The following CFAP43 variants were observed in gnomAD, a reference collection of about 807,000 sequenced individuals.
CFAP43 encodes cilia- and flagella-associated protein 43.
In CFAP43, 155 loss-of-function variants were observed where a neutral mutation model predicts 218.9. That is an observed-to-expected ratio of 0.71 (90% CI 0.62 to 0.81). The LOEUF (loss-of-function observed/expected upper bound fraction) is 0.81. Among genes scored for constraint, CFAP43 ranks in the 30% least tolerant of loss-of-function variants. CFAP43 has a pLI of 0.00. For missense variants in CFAP43, 1,778 were observed against 1,954.3 expected (o/e 0.91, Z 1.70); for synonymous variants, 645 against 681.3 (o/e 0.95, Z 0.83).
intron 5 of CFAP43, 101 bp from the exon 6 acceptor site, chr10:104,207,925 C>G: frequency 8.6e-7 from 1 of 1,168,332 alleles, no homozygotes; most frequent in African/African-American, 1.6e-5. Context: ...CATACTTAAC[C>G]CCATAGACGC....
chr10:104,188,272 T>C lies in CFAP43; in HGVS notation c.1685A>G (p.Gln562Arg), dbSNP rs200902358. 6.2e-7 allele frequency: 1 copy of C among 1,613,584 alleles called. No homozygotes were observed. The highest frequency in any genetic ancestry group is 1.7e-5 in the Admixed American group (1 of 59,946). The change falls in exon 13 of 38, where the codon CAA becomes CGA. Residue 562 changes from glutamine to arginine, a missense_variant and splice_region_variant. By Grantham distance (43) the Gln-to-Arg change is conservative. Around this residue, in one of 3 missense-constraint regions of CFAP43, gnomAD observed 1,553 missense variants for 1,685.2 expected, o/e 0.92. Coordinates refer to ENST00000357060, the MANE Select transcript of CFAP43 (RefSeq NM_025145.7). ...EMFTLPTLLP[Q>R]VSTTFADERG... ...CTGGCTGCTTATGTTTTCCTTACCT[T>C]GTGGCAGTAATGTAGGCAGTGTGAA...
chr10:104,208,078 G>C (rs1471459742), intron 5 of CFAP43, among the ~76,000 whole-genome samples: 1 of 152,184 alleles, frequency 6.6e-6, no homozygotes, highest in Non-Finnish European at 1.5e-5. Context: ...TGGTCACCCA[G>C]TGGATCAAGA....
chr10:104,172,437 A>G lies in CFAP43; in HGVS notation c.2559T>C (p.His853=). Residue 853 remains histidine (H), a synonymous_variant, in exon 20 of 38, where the codon CAT becomes CAC. Transcript: ENST00000357060. ...TTGCCACTTCTTCCTGACTTTCATC[A>G]TGAAGCCTTTCTAGTTCCTCAAGAT... ...GLDLEELERL[H]DESQEEVAKM... is the part of the protein sequence containing the mutation. 2.5e-6 allele frequency: 4 copies of G among 1,609,664 alleles called. No homozygotes were observed. The highest frequency in any genetic ancestry group is 3.4e-6 in the Non-Finnish European group (4 of 1,178,938).
intron 35 of CFAP43, 50 bp downstream of exon 35, chr10:104,133,570 T>C (rs1450753638): frequency 6.5e-7 from 1 of 1,550,008 alleles, no homozygotes; most frequent in Middle Eastern, 1.7e-4. Context: ...AATGAATGAA[T>C]ACATTAATGA....
At chr10:104,141,155 T>C (rs571218539) in intron 33 of CFAP43, among the ~76,000 whole-genome samples, 154 bp from the exon 34 acceptor site, 27 of 152,346 alleles carry the variant, frequency 1.8e-4, no homozygotes, top group Non-Finnish European at 3.1e-4. Context: ...TAGAGGTCTC[T>C]CTGAAACCTC....
chr10:104,170,056 C>T (rs866923984), intron 20 of CFAP43, among the ~76,000 whole-genome samples: 2 of 152,256 alleles, frequency 1.3e-5, no homozygotes, highest in African/African-American at 4.8e-5. Context: ...CTAACTCCTC[C>T]CAAGGACTAG....
In CFAP43 at chr10:104,196,933, T is replaced by A. The variant is rs1471639957; in HGVS notation, c.1213A>T (p.Thr405Ser). Reference sequence around the variant, plus strand: ...CAAATTTCCCCTGAATATGTAAGTGTCTGTAAAAAAAGAAAAACAAAAACT... The same window carrying A: ...CAAATTTCCCCTGAATATGTAAGTGACTGTAAAAAAAGAAAAACAAAAACT... Reference protein sequence around the residue: ...FITPGTQYFMTLTYSGEICVW... With the variant: ...FITPGTQYFMSLTYSGEICVW... Residue 405 changes from threonine (T) to serine (S), a missense_variant and splice_region_variant, in exon 10 of 38, where the codon ACA becomes TCA. Physicochemically the swap from Thr to Ser is moderately conservative, Grantham distance 58 (BLOSUM62 1). Coordinates refer to ENST00000357060, the MANE Select transcript of CFAP43 (RefSeq NM_025145.7). 6.2e-7 allele frequency: 1 copy of A among 1,606,790 alleles called. No homozygotes were observed. Among genetic ancestry groups the A allele is most frequent in the Non-Finnish European group, 8.5e-7 (1 of 1,177,672 alleles).
At chr10:104,136,532 G>A (rs548554379) in intron 34 of CFAP43, among the ~76,000 whole-genome samples, 6 of 151,590 alleles carry the variant, frequency 4.0e-5, no homozygotes, top group East Asian at 2.0e-4. Flanking sequence ...CACCATGCCC[G>A]GCTAATTTTT....
chr10:104,185,268 A>C, intron 15 of CFAP43, 122 bp from the exon 16 acceptor site: 1 of 1,318,338 alleles, frequency 7.6e-7, no homozygotes, highest in South Asian at 1.3e-5. Context: ...ACAGCATTTT[A>C]ATTGGTATGG....
chr10:104,185,079 A>G lies in CFAP43; in HGVS notation c.2078T>C (p.Met693Thr). Residue 693 changes from methionine (M) to threonine (T), a missense_variant, in exon 16 of 38, where the codon ATG (methionine) becomes ACG (threonine). By Grantham distance (81) the Met-to-Thr change is moderately conservative (BLOSUM62 -1). Coordinates refer to ENST00000357060, the MANE Select transcript of CFAP43 (RefSeq NM_025145.7). ...GHGIQSMRIS[M>T]DGQNILVNGR... Reference sequence around the variant, plus strand: ...ATTCACCAGAATGTTTTGTCCATCCATTGAAATTCTCATTGACTGAATCCC... The same window carrying G: ...ATTCACCAGAATGTTTTGTCCATCCGTTGAAATTCTCATTGACTGAATCCC... 6.2e-7 allele frequency: 1 copy of G among 1,614,170 alleles called. No homozygotes were observed. Among genetic ancestry groups the G allele is most frequent in the Middle Eastern group, 1.6e-4 (1 of 6,062 alleles).
At position 104,144,115 on chromosome 10, in the gene CFAP43, C is replaced by T. The variant is rs75451889; in HGVS notation, c.3945-476G>A. Among the ~76,000 whole-genome samples, 894 of 152,302 alleles carry T rather than the reference C, an allele frequency of 5.9e-3. 4 individuals carry two copies. The highest frequency in any genetic ancestry group is 0.014 in the Middle Eastern group (4 of 294). Reference sequence around the variant, plus strand: ...GGGCGAGGCACTCACTATCAAGATGCTTTACAGTACACTGTGAGGTTGAAA... The same window carrying T: ...GGGCGAGGCACTCACTATCAAGATGTTTTACAGTACACTGTGAGGTTGAAA... On this transcript the variant is annotated intron_variant, in intron 31 of 37. Coordinates refer to ENST00000357060, the MANE Select transcript of CFAP43 (RefSeq NM_025145.7).
intron 1 of CFAP43, among the ~76,000 whole-genome samples, chr10:104,231,271 C>T (rs1366466892): frequency 1.3e-5 from 2 of 152,124 alleles, no homozygotes; most frequent in African/African-American, 4.8e-5. Context: ...AACAACTTTG[C>T]ATAGGACAGC....
Position 104,189,264 on chromosome 10 carries a change from C to T in CFAP43, c.1547-854G>A, listed in dbSNP as rs116911000. On this transcript the variant is annotated intron_variant, in intron 12 of 37. Coordinates refer to ENST00000357060, the MANE Select transcript of CFAP43 (RefSeq NM_025145.7). Reference sequence around the variant, plus strand: ...GTCCCTTATGGTTCCTTTTATTCAGCCCTCATGACTCCCCTGTCTTCAAAT... The same window carrying T: ...GTCCCTTATGGTTCCTTTTATTCAGTCCTCATGACTCCCCTGTCTTCAAAT... 1.6e-3 allele frequency among the ~76,000 whole-genome samples: 235 copies of T among 150,900 alleles called. 7 individuals are homozygous for T. In the East Asian group the frequency reaches 0.04, roughly 25 times the overall value.
chr10:104,216,908 T>C lies in CFAP43; in HGVS notation c.417-2482A>G, dbSNP rs1484306444. On this transcript the variant is annotated intron_variant, in intron 3 of 37. Coordinates refer to ENST00000357060, the MANE Select transcript of CFAP43 (RefSeq NM_025145.7). Reference sequence around the variant, plus strand: ...GGCACATTCTGGAACCCTCCCTGCCTAGTGTCCTTCCTCCTTTCATAGCTA... The same window carrying C: ...GGCACATTCTGGAACCCTCCCTGCCCAGTGTCCTTCCTCCTTTCATAGCTA... 2.6e-5 allele frequency among the ~76,000 whole-genome samples: 4 copies of C among 152,162 alleles called. No homozygotes were observed. The East Asian group carries it at 7.7e-4, about 29-fold the overall frequency.
At chr10:104,167,319 G>C (rs1171091626) in intron 22 of CFAP43, among the ~76,000 whole-genome samples, 1 of 152,118 alleles carries the variant, frequency 6.6e-6, no homozygotes, top group African/African-American at 2.4e-5. Context: ...GGATGAAAAG[G>C]ATATGTGTGG....
chr10:104,166,578 A>G lies in CFAP43; in HGVS notation c.2949T>C (p.Ser983=), dbSNP rs771123548. ...AAGAGGTATCTACCCCAAAATCAGT[A>G]CTCAGACTACCAAGCAGGTAATTGG... ...NLPNYLLGSL[S]TDFGVDTSLL... Residue 983 remains serine, a synonymous_variant, in exon 23 of 38, where the codon AGT becomes AGC. Transcript: ENST00000357060. The G allele has an allele frequency of 9.3e-6, 15 of 1,614,126 alleles. No homozygotes were observed. The highest frequency in any genetic ancestry group is 1.3e-5 in the Non-Finnish European group (15 of 1,180,024).
chr10:104,206,270 C>T (rs2090685971), intron 6 of CFAP43, among the ~76,000 whole-genome samples: 3 of 151,976 alleles, frequency 2.0e-5, no homozygotes, highest in Admixed American at 2.0e-4. Flanking sequence ...CTCATGGCCT[C>T]AGTTTTACAG....
chr10:104,203,938 AC>A, intron 7 of CFAP43, 135 bp from the exon 8 acceptor site: 8 of 702,708 alleles, frequency 1.1e-5, no homozygotes, highest in Non-Finnish European at 1.7e-5. Context: ...GCATAGATGC[AC>A]TGTCCTCTCA....
chr10:104,204,702 GA>G (rs202132443), intron 7 of CFAP43, among the ~76,000 whole-genome samples: 2,105 of 152,256 alleles, frequency 0.014, 19 homozygotes, highest in Non-Finnish European at 0.021. Flanking sequence ...AAGGTTGGGG[GA>G]GCTAAGTGTA....
Sources: allele counts gnomAD v4.1 joint callset (sites outside exome capture counted in the v4.1 genomes callset), GRCh38; gene constraint gnomAD v4.1.1; regional missense constraint gnomAD v4.1.1; transcripts MANE v1.5; gene names NCBI Gene and HGNC (gene_info 2026-07-23, HGNC 2026-07-21).